Variants in SLC25A48 observed in about 807,000 individuals in gnomAD.
SLC25A48 encodes solute carrier family 25 member 48, also known as CTC-321K16.1.
Under a neutral mutation model 32.2 loss-of-function variants are expected in SLC25A48, and 29 were observed. The ratio of observed to expected loss-of-function variants is 0.90; its 90% confidence interval spans 0.67 to 1.23. The LOEUF is 1.23. Among genes scored for constraint, SLC25A48 ranks in the 50% most tolerant of loss-of-function variants. The probability of loss-of-function intolerance (pLI) is 0.00; values close to 1 mark genes in which losing one functional copy is unlikely to be tolerated. For synonymous variants in SLC25A48, 164 were observed against 172.3 expected (o/e 0.95, Z 0.38); for missense variants, 399 against 422.7 (o/e 0.94, Z 0.49).
At chr5:135,810,799 C>T (rs1036315920) in intron 3 of SLC25A48, among the ~76,000 whole-genome samples, 8 of 152,210 alleles carry the variant, frequency 5.3e-5, no homozygotes, top group East Asian at 1.9e-4. Flanking sequence ...TATTAGGGAA[C>T]GTCTTTTCCA....
intron 3 of SLC25A48, among the ~76,000 whole-genome samples, chr5:135,677,896 G>A (rs1245251031): frequency 6.6e-6 from 1 of 152,128 alleles, no homozygotes; most frequent in Non-Finnish European, 1.5e-5. Flanking sequence ...TTAGTTTGAT[G>A]AAAGCTCCTT....
chr5:135,616,303 G>C (rs557122900), intron 1 of SLC25A48, among the ~76,000 whole-genome samples: 4 of 152,286 alleles, frequency 2.6e-5, no homozygotes, highest in Non-Finnish European at 5.9e-5. Context: ...ACCTGGAAAA[G>C]CTGCAGACAC....
intron 1 of SLC25A48, among the ~76,000 whole-genome samples, chr5:135,620,565 C>G (rs1213308440): frequency 6.6e-6 from 1 of 152,128 alleles, no homozygotes; most frequent in African/African-American, 2.4e-5. Flanking sequence ...CCGCAGCAGA[C>G]TGCAGGTGGT....
intron 2 of SLC25A48, among the ~76,000 whole-genome samples, chr5:135,631,064 C>T (rs1752556603): frequency 6.6e-6 from 1 of 152,146 alleles, no homozygotes; most frequent in Admixed American, 6.5e-5. Context: ...CCTGCATCGA[C>T]CCTGAACTTC....
At chr5:135,752,057 G>A (rs1755783250) in intron 3 of SLC25A48, among the ~76,000 whole-genome samples, 1 of 152,108 alleles carries the variant, frequency 6.6e-6, no homozygotes, top group Non-Finnish European at 1.5e-5. Context: ...TAAATGTCGA[G>A]TCTAAAACTA....
intron 3 of SLC25A48, among the ~76,000 whole-genome samples, chr5:135,763,198 A>T (rs1186348391): frequency 6.6e-6 from 1 of 152,052 alleles, no homozygotes. Context: ...CTCAGTGAGA[A>T]CCACACAATA....
intron 3 of SLC25A48, among the ~76,000 whole-genome samples, chr5:135,678,239 C>A (rs1178245225): frequency 1.3e-5 from 2 of 151,922 alleles, no homozygotes; most frequent in Non-Finnish European, 2.9e-5. Context: ...TTAGTTTTGC[C>A]TGACTGGGTT....
At chr5:135,839,949 T>C (rs2126695550) in intron 1 of SLC25A48, among the ~76,000 whole-genome samples, 1 of 152,342 alleles carries the variant, frequency 6.6e-6, no homozygotes, top group South Asian at 2.1e-4. Flanking sequence ...CCCAGCTATG[T>C]GGGACTGTAA....
At chr5:135,820,541 GACATAA>G (rs1399766492) in intron 4 of SLC25A48, among the ~76,000 whole-genome samples, 3 of 152,056 alleles carry the variant, frequency 2.0e-5, no homozygotes, top group Non-Finnish European at 4.4e-5. Context: ...AAGAGGTGAT[GACATAA>G]CATGAATTAA....
At chr5:135,769,973 G>A (rs1004108070) in intron 3 of SLC25A48, among the ~76,000 whole-genome samples, 2 of 151,350 alleles carry the variant, frequency 1.3e-5, no homozygotes, top group Non-Finnish European at 3.0e-5. Flanking sequence ...TTCGCAGGAG[G>A]TGTAAACCAC....
chr5:135,861,480 G>A (rs1217692489), intron 4 of SLC25A48, among the ~76,000 whole-genome samples: 5 of 152,148 alleles, frequency 3.3e-5, no homozygotes, highest in Non-Finnish European at 5.9e-5. Flanking sequence ...CATCTGCAAA[G>A]CAGGCATAAC....
intron 3 of SLC25A48, among the ~76,000 whole-genome samples, chr5:135,687,759 C>T (rs1346038298): frequency 6.6e-6 from 1 of 152,146 alleles, no homozygotes; most frequent in Non-Finnish European, 1.5e-5. Flanking sequence ...TCTGTTTTTA[C>T]TAACAATTCT....
At chr5:135,824,487 C>G (rs766765387) in intron 4 of SLC25A48, 1 of 152,384 alleles carries the variant, frequency 6.6e-6, no homozygotes, top group Non-Finnish European at 1.5e-5. Context: ...CTTGTCCTCC[C>G]AACAGCAGGC....
At chr5:135,821,372 C>T (rs1459048456) in intron 4 of SLC25A48, among the ~76,000 whole-genome samples, 1 of 152,174 alleles carries the variant, frequency 6.6e-6, no homozygotes, top group Non-Finnish European at 1.5e-5. Flanking sequence ...AAGCGAGTGA[C>T]AAGGGCAGAG....
chr5:135,703,178 T>C (rs1754432188), intron 3 of SLC25A48, among the ~76,000 whole-genome samples: 1 of 152,140 alleles, frequency 6.6e-6, no homozygotes, highest in Non-Finnish European at 1.5e-5. Context: ...TTGTCTAAAG[T>C]GTGAAAGACA....
intron 4 of SLC25A48, among the ~76,000 whole-genome samples, chr5:135,859,743 C>T (rs1035646530): frequency 7.2e-5 from 11 of 152,072 alleles, no homozygotes; most frequent in African/African-American, 2.7e-4. Context: ...CTGGGTGAGG[C>T]CACAGGAGCA....
intron 3 of SLC25A48, among the ~76,000 whole-genome samples, chr5:135,638,639 G>A (rs1369588448): frequency 2.0e-5 from 3 of 152,226 alleles, no homozygotes; most frequent in East Asian, 3.8e-4. Flanking sequence ...GGGATAGGAT[G>A]AAAGAAATTT....
chr5:135,770,652 G>A (rs1229279151), intron 3 of SLC25A48, among the ~76,000 whole-genome samples: 1 of 151,640 alleles, frequency 6.6e-6, no homozygotes, highest in East Asian at 1.9e-4. Flanking sequence ...CCCAGAAAGT[G>A]TACACCCCCT....
intron 1 of SLC25A48, among the ~76,000 whole-genome samples, chr5:135,838,137 C>T (rs1439992199): frequency 2.6e-5 from 4 of 152,184 alleles, no homozygotes; most frequent in Non-Finnish European, 4.4e-5. Flanking sequence ...AAAGGTGACT[C>T]TTGCTATGTT....
Sources: gnomAD v4.1 joint callset for allele counts (sites outside exome capture counted in the v4.1 genomes callset) on GRCh38, gnomAD v4.1.1 for gene constraint, MANE v1.5 for transcripts, NCBI Gene and HGNC (gene_info 2026-07-23, HGNC 2026-07-21) for gene names.